Variants in ARHGAP40 observed in about 807,000 individuals in gnomAD.
ARHGAP40 encodes the protein Rho GTPase activating protein 40.
In ARHGAP40, 43 loss-of-function variants were observed where a neutral mutation model predicts 73.5. That is an observed-to-expected ratio of 0.58 (90% CI 0.46 to 0.75). ARHGAP40 has a LOEUF of 0.75. Ranked by LOEUF, ARHGAP40 falls within the 30% of genes least tolerant of loss-of-function variation. The pLI is 0.00. For missense variants in ARHGAP40, 734 were observed against 861.8 expected, an observed-to-expected ratio of 0.85 and a Z score of 1.86; for synonymous variants, 300 against 352.8, an observed-to-expected ratio of 0.85 and a Z score of 1.68.
At chr20:38,638,369 A>G (rs2088991455) in intron 7 of ARHGAP40, among the ~76,000 whole-genome samples, 1 of 152,148 alleles carries the variant, frequency 6.6e-6, no homozygotes, top group Non-Finnish European at 1.5e-5. Flanking sequence ...TTTTTTTTGT[A>G]GAGACAGGGT....
chr20:38,622,365 G>T (rs1226560329), intron 1 of ARHGAP40, among the ~76,000 whole-genome samples: 1 of 152,078 alleles, frequency 6.6e-6, no homozygotes, highest in Non-Finnish European at 1.5e-5. Flanking sequence ...ATGTGTCAGG[G>T]TCTAGGTGAT....
At chr20:38,610,233 C>T (rs1027130332) in intron 1 of ARHGAP40, among the ~76,000 whole-genome samples, 1 of 152,116 alleles carries the variant, frequency 6.6e-6, no homozygotes, top group African/African-American at 2.4e-5. Context: ...TTTTAAAAAG[C>T]TCCCCCCACT....
exon 15 of ARHGAP40, chr20:38,650,347 A>G (rs1044183975): frequency 4.2e-6 from 2 of 471,150 alleles, no homozygotes; most frequent in Admixed American, 2.4e-5. Flanking sequence ...CCCAGGCAAA[A>G]TTGTTTCGAA....
intron 9 of ARHGAP40, among the ~76,000 whole-genome samples, chr20:38,640,628 G>T (rs1013310548): frequency 6.6e-6 from 1 of 152,064 alleles, no homozygotes; most frequent in African/African-American, 2.4e-5. Flanking sequence ...CACCTCCTCC[G>T]GCTCAGGTCC....
In ARHGAP40 at chr20:38,643,814, GC is replaced by G; in HGVS notation, c.1479del (p.Lys494SerfsTer20). The G allele has an allele frequency of 7.7e-7, 1 of 1,305,556 alleles. No homozygotes were observed. Among genetic ancestry groups the G allele is most frequent in the Non-Finnish European group, 1.0e-6 (1 of 988,980 alleles). The allele number at this position is 1,305,556 out of a possible 1,614,324, so 80.9% of individuals were successfully genotyped here. ...CTAACCTCTTTCTGCACCAAGGGCG[GC>G]CCCCCAAGCTCCCCAAAGGCAAGGA... On this transcript the variant is annotated frameshift_variant, in exon 11 of 15. Coordinates refer to ENST00000373345, the Ensembl canonical transcript of ARHGAP40. LOFTEE classifies it high-confidence loss of function.
intron 1 of ARHGAP40, among the ~76,000 whole-genome samples, chr20:38,620,558 G>A (rs552480935): frequency 3.9e-5 from 6 of 152,360 alleles, no homozygotes; most frequent in East Asian, 3.9e-4. Flanking sequence ...ATTTCAAAGC[G>A]AATCGCAAAG....
In ARHGAP40 at chr20:38,627,216, G is replaced by A. The variant is rs1230302643; in HGVS notation, c.558+1G>A. 7.7e-7 allele frequency: 1 copy of A among 1,305,250 alleles called. No homozygotes were observed. The highest frequency in any genetic ancestry group is 1.5e-5 in the African/African-American group (1 of 65,998). 80.9% of individuals were successfully genotyped at this position (1,305,250 alleles called of 1,614,324 possible). A position where few individuals can be genotyped will look rare whatever the true frequency, so the allele number is the denominator to read the frequency against. ...TGTCTTTGGGGTCTTCAATTCAGGGGTAAGTGGCATATGGGTCATTGCAGG... is the reference window on the plus strand; with the variant it reads ...TGTCTTTGGGGTCTTCAATTCAGGGATAAGTGGCATATGGGTCATTGCAGG... On this transcript the variant is annotated splice_donor_variant, in intron 3 of 14. Coordinates refer to ENST00000373345, the Ensembl canonical transcript of ARHGAP40. LOFTEE classifies it high-confidence loss of function.
At chr20:38,619,127 A>G (rs942247983) in intron 1 of ARHGAP40, among the ~76,000 whole-genome samples, 1 of 152,174 alleles carries the variant, frequency 6.6e-6, no homozygotes, top group African/African-American at 2.4e-5. Context: ...AAGTGACTTT[A>G]AGTCTGAGAC....
intron 1 of ARHGAP40, among the ~76,000 whole-genome samples, chr20:38,612,562 C>G (rs1310968648): frequency 6.6e-6 from 1 of 151,820 alleles, no homozygotes; most frequent in Non-Finnish European, 1.5e-5. Flanking sequence ...TAATTCCAGC[C>G]GGGAGGCTGA....
chr20:38,633,560 G>A (rs1374888693), intron 5 of ARHGAP40, among the ~76,000 whole-genome samples: 5 of 152,104 alleles, frequency 3.3e-5, no homozygotes, highest in East Asian at 1.9e-4. Flanking sequence ...AATTATTTGC[G>A]TGCACTCACA....
At chr20:38,630,945 G>A (rs1601143891) in intron 5 of ARHGAP40, among the ~76,000 whole-genome samples, 1 of 152,230 alleles carries the variant, frequency 6.6e-6, no homozygotes, top group Admixed American at 6.5e-5. Context: ...TTTTACTGAG[G>A]GCTGCCCTGG....
chr20:38,626,517 T>G (rs1206687831), intron 2 of ARHGAP40, among the ~76,000 whole-genome samples: 4 of 152,198 alleles, frequency 2.6e-5, no homozygotes, highest in Non-Finnish European at 5.9e-5. Flanking sequence ...TATGAGAGTT[T>G]CCTTAGGAAG....
At chr20:38,615,572 T>C in intron 1 of ARHGAP40, 2 of 532,608 alleles carry the variant, frequency 3.8e-6, no homozygotes, top group South Asian at 3.7e-5. Context: ...CGAGATTGCC[T>C]TTCAATCTCT....
exon 15 of ARHGAP40, chr20:38,649,812 G>A (rs768938085): frequency 1.4e-5 from 18 of 1,305,106 alleles, no homozygotes; most frequent in Non-Finnish European, 1.8e-5. Flanking sequence ...GTGCCAACCC[G>A]CATGGTGAGT....
intron 13 of ARHGAP40, among the ~76,000 whole-genome samples, chr20:38,648,249 A>C (rs979012128): frequency 6.6e-6 from 1 of 152,272 alleles, no homozygotes; most frequent in Non-Finnish European, 1.5e-5. Flanking sequence ...CATGATAGGC[A>C]TCATTATCAT....
At chr20:38,617,722 C>A (rs1218237689) in intron 1 of ARHGAP40, among the ~76,000 whole-genome samples, 10 of 152,206 alleles carry the variant, frequency 6.6e-5, no homozygotes, top group African/African-American at 2.4e-4. Flanking sequence ...GCCCACTCTG[C>A]AGGACAGGAA....
chr20:38,601,880 C>CCGAT (rs1174685796), exon 1 of ARHGAP40: 3 of 1,284,324 alleles, frequency 2.3e-6, no homozygotes, highest in Non-Finnish European at 3.0e-6. Flanking sequence ...TCTCACATTG[C>CCGAT]CGATCGAGTC....
intron 1 of ARHGAP40, chr20:38,615,476 T>C (rs986586765): frequency 1.9e-5 from 13 of 682,994 alleles, no homozygotes; most frequent in Admixed American, 1.2e-4. Flanking sequence ...GCCACGTCCA[T>C]GGCGGCGCGA....
chr20:38,604,903 A>G (rs138156568), intron 1 of ARHGAP40, among the ~76,000 whole-genome samples: 3 of 151,606 alleles, frequency 2.0e-5, no homozygotes, highest in Admixed American at 6.6e-5. Context: ...TATCACCGTT[A>G]CCTCTTTTGT....
Sources: gnomAD v4.1 joint callset for allele counts (sites outside exome capture counted in the v4.1 genomes callset) on GRCh38, gnomAD v4.1.1 for gene constraint, MANE v1.5 for transcripts, NCBI Gene and HGNC (gene_info 2026-07-23, HGNC 2026-07-21) for gene names.